GALNTL6: variants seen among roughly 807,000 people sequenced by gnomAD.
The protein encoded by GALNTL6 is polypeptide N-acetylgalactosaminyltransferase-like 6.
GALNTL6 carries 46 observed loss-of-function variants against 73.7 expected under a neutral mutation model. That is an observed-to-expected ratio of 0.62 (90% CI 0.49 to 0.80). GALNTL6 has a LOEUF of 0.80. GALNTL6 is among the 30% of genes least tolerant of loss of function. The probability of loss-of-function intolerance (pLI) is 0.00; values close to 1 mark genes in which losing one functional copy is unlikely to be tolerated. For missense variants in GALNTL6, 604 were observed against 755.0 expected (o/e 0.80, Z 2.34); for synonymous variants, 259 against 263.7 (o/e 0.98, Z 0.17).
intron 3 of GALNTL6, among the ~76,000 whole-genome samples, chr4:172,280,203 A>C (rs79586662): frequency 0.022 from 3,284 of 152,320 alleles, 101 homozygotes; most frequent in African/African-American, 0.071. Flanking sequence ...ATATCCTTAA[A>C]AATGCTTAAG....
chr4:172,102,594 G>A (rs374238042), intron 2 of GALNTL6, among the ~76,000 whole-genome samples: 1 of 135,666 alleles, frequency 7.4e-6, no homozygotes, highest in Non-Finnish European at 1.6e-5. Flanking sequence ...AGATGTCAGA[G>A]ATGTCAGGCA....
chr4:172,006,258 C>A (rs1217082209), intron 2 of GALNTL6, among the ~76,000 whole-genome samples: 3 of 152,140 alleles, frequency 2.0e-5, no homozygotes, highest in Non-Finnish European at 4.4e-5. Context: ...TATTTTAGGG[C>A]AGTTAGGCAT....
At chr4:172,837,347 G>C (rs1256453276) in intron 7 of GALNTL6, among the ~76,000 whole-genome samples, 1 of 151,858 alleles carries the variant, frequency 6.6e-6, no homozygotes, top group Non-Finnish European at 1.5e-5. Flanking sequence ...TCATCAGTCC[G>C]CTCTTTTCCA....
At chr4:172,369,225 T>C (rs1742692775) in intron 5 of GALNTL6, among the ~76,000 whole-genome samples, 1 of 152,196 alleles carries the variant, frequency 6.6e-6, no homozygotes, top group African/African-American at 2.4e-5. Flanking sequence ...TGCTGACTGG[T>C]GCATTTACAA....
intron 5 of GALNTL6, among the ~76,000 whole-genome samples, chr4:172,447,476 G>A (rs1732064326): frequency 6.6e-6 from 1 of 152,184 alleles, no homozygotes; most frequent in Non-Finnish European, 1.5e-5. Flanking sequence ...CATACTTACA[G>A]AAGGGGTGAA....
chr4:172,487,407 T>A (rs1482494568), intron 5 of GALNTL6, among the ~76,000 whole-genome samples: 1 of 151,068 alleles, frequency 6.6e-6, no homozygotes, highest in East Asian at 1.9e-4. Context: ...TTCTTTTTCT[T>A]TCTTGTCTCA....
intron 8 of GALNTL6, among the ~76,000 whole-genome samples, chr4:172,896,193 A>G (rs1746321924): frequency 6.6e-6 from 1 of 152,174 alleles, no homozygotes; most frequent in Non-Finnish European, 1.5e-5. Context: ...ATATGGAACA[A>G]TGTCTACACA....
At chr4:172,116,503 TCA>T (rs1194985987) in intron 2 of GALNTL6, among the ~76,000 whole-genome samples, 1 of 152,120 alleles carries the variant, frequency 6.6e-6, no homozygotes, top group Non-Finnish European at 1.5e-5. Context: ...ACTCCTCGTC[TCA>T]GTGATCCACC....
At chr4:172,314,468 T>C (rs184944335) in intron 4 of GALNTL6, among the ~76,000 whole-genome samples, 2 of 152,260 alleles carry the variant, frequency 1.3e-5, no homozygotes, top group Admixed American at 1.3e-4. Context: ...ATTTAAGTGC[T>C]CTGTACTCTT....
chr4:171,934,377 C>G (rs1321909543), intron 2 of GALNTL6, among the ~76,000 whole-genome samples: 3 of 152,236 alleles, frequency 2.0e-5, no homozygotes, highest in Admixed American at 2.0e-4. Context: ...AAAGACCCTT[C>G]TTTATGTATG....
chr4:173,007,528 C>T (rs1318647644), intron 10 of GALNTL6, among the ~76,000 whole-genome samples: 1 of 152,152 alleles, frequency 6.6e-6, no homozygotes, highest in Non-Finnish European at 1.5e-5. Flanking sequence ...ATGGAAGGGC[C>T]AGGCGTGGTG....
intron 5 of GALNTL6, among the ~76,000 whole-genome samples, chr4:172,795,867 A>C (rs1334406798): frequency 1.3e-5 from 2 of 152,056 alleles, no homozygotes; most frequent in East Asian, 3.9e-4. Context: ...ATAATTTATA[A>C]TATCAATGCT....
At chr4:172,276,114 G>T (rs1293725862) in intron 3 of GALNTL6, among the ~76,000 whole-genome samples, 1 of 152,170 alleles carries the variant, frequency 6.6e-6, no homozygotes, top group East Asian at 1.9e-4. Flanking sequence ...TTCCAAGATT[G>T]TCTTGCAGCT....
intron 2 of GALNTL6, among the ~76,000 whole-genome samples, chr4:171,925,313 A>T (rs1354596703): frequency 6.6e-6 from 1 of 152,112 alleles, no homozygotes; most frequent in East Asian, 1.9e-4. Context: ...ATGAAAAGGG[A>T]TTCTTTTGTA....
chr4:171,838,414 C>T lies in GALNTL6; in HGVS notation c.138+23696C>T, dbSNP rs531857342. 5.9e-5 allele frequency among the ~76,000 whole-genome samples: 9 copies of T among 152,190 alleles called. No homozygotes were observed. In the South Asian group the frequency reaches 1.9e-3, roughly 32 times the overall value. On this transcript the variant is annotated intron_variant, in intron 2 of 12. Transcript: ENST00000506823. Reference sequence around the variant, plus strand: ...CTGAGATTACAGTTGTGAGCCACCACGCCCAGCCTCTGTCTTTGCTTTTTA... The same window carrying T: ...CTGAGATTACAGTTGTGAGCCACCATGCCCAGCCTCTGTCTTTGCTTTTTA...
chr4:172,783,449 ATAT>A (rs1025129225), intron 5 of GALNTL6, among the ~76,000 whole-genome samples: 47 of 147,618 alleles, frequency 3.2e-4, no homozygotes, highest in Admixed American at 7.5e-4. Flanking sequence ...ACTATTTATA[ATAT>A]TATAACAATA....
At chr4:172,049,660 A>C (rs1730770874) in intron 2 of GALNTL6, among the ~76,000 whole-genome samples, 1 of 152,172 alleles carries the variant, frequency 6.6e-6, no homozygotes, top group African/African-American at 2.4e-5. Flanking sequence ...ACTCTTGCCA[A>C]GTCAAGGTAA....
chr4:172,946,429 G>T (rs1203711650), intron 9 of GALNTL6, among the ~76,000 whole-genome samples: 1 of 152,112 alleles, frequency 6.6e-6, no homozygotes, highest in Non-Finnish European at 1.5e-5. Flanking sequence ...ATAGATTTAT[G>T]CAGTTTCACA....
intron 5 of GALNTL6, among the ~76,000 whole-genome samples, chr4:172,495,890 G>T (rs543430862): frequency 7.1e-4 from 108 of 152,286 alleles, no homozygotes; most frequent in African/African-American, 2.5e-3. Context: ...TTCAAAATGT[G>T]GTGGTGAAAT....
Sources: allele counts gnomAD v4.1 joint callset (sites outside exome capture counted in the v4.1 genomes callset), GRCh38; gene constraint gnomAD v4.1.1; transcripts MANE v1.5; gene names NCBI Gene and HGNC (gene_info 2026-07-23, HGNC 2026-07-21).